Variants in LTBP3 observed in about 807,000 individuals in gnomAD.
The protein encoded by LTBP3 is latent-transforming growth factor beta-binding protein 3.
LTBP3 carries 97 observed loss-of-function variants against 159.7 expected under a neutral mutation model. The ratio of observed to expected loss-of-function variants is 0.61; its 90% CI spans 0.52 to 0.72. The LOEUF (loss-of-function observed/expected upper bound fraction) is 0.72, where lower values mean the gene tolerates loss of function less well. Among genes scored for constraint, LTBP3 ranks in the 30% least tolerant of loss-of-function variants. The pLI, the probability that LTBP3 is intolerant of heterozygous loss-of-function variation, is 0.00. For missense variants in LTBP3, 1,584 were observed against 1,864.3 expected, an observed-to-expected ratio of 0.85 and a Z score of 2.77; for synonymous variants, 824 against 777.1, an observed-to-expected ratio of 1.06 and a Z score of -1.00.
rs544767021 is a variant in LTBP3 at position 65,547,644 on chromosome 11, G to A, written c.1978+46C>T. ...GGAGGGATTACACGGCGGTCTGGAG[G>A]AGAGCCCGTCCCACCCAGGGCCGCC... On this transcript the variant is annotated intron_variant, in intron 13 of 27. Transcript: ENST00000301873. The surrounding 1 kb of genome is among the most constrained non-coding windows in gnomAD (Gnocchi z 4.6). 2 of 1,607,894 alleles carry A rather than the reference G, an allele frequency of 1.2e-6. No individual in the cohort carries two copies. The highest frequency in any genetic ancestry group is 1.1e-5 in the South Asian group (1 of 90,956).
chr11:65,552,192 T>G lies in LTBP3; in HGVS notation c.1346-35A>C. On this transcript the variant is annotated intron_variant, in intron 7 of 27. Transcript: ENST00000301873. This position sits in a 1 kb window ranked among gnomAD's most constrained non-coding sequence, Gnocchi z 6.0. Reference sequence around the variant, plus strand: ...AGACAGCAGACACAAAAGTGAGCATTTCCTGGACAGGTGCATGGACCTATG... The same window carrying G: ...AGACAGCAGACACAAAAGTGAGCATGTCCTGGACAGGTGCATGGACCTATG... The G allele has an allele frequency of 4.3e-6, 7 of 1,614,146 alleles. No individual in the cohort carries two copies. Among genetic ancestry groups the G allele is most frequent in the Non-Finnish European group, 5.9e-6 (7 of 1,179,990 alleles).
At chr11:65,541,327 AG>A (rs1565090327) in intron 19 of LTBP3, 34 bp from the exon 20 acceptor site, 1 of 1,603,594 alleles carries the variant, frequency 6.2e-7, no homozygotes, top group South Asian at 1.1e-5. Context: ...GGTTGTGCAC[AG>A]ACCCCCCTTG....
chr11:65,541,353 G>GC, intron 19 of LTBP3, 60 bp from the exon 20 acceptor site: 4 of 1,576,586 alleles, frequency 2.5e-6, no homozygotes, highest in Non-Finnish European at 3.5e-6. Context: ...TGTCCACCCT[G>GC]CCCACCCACC....
intron 18 of LTBP3, chr11:65,541,929 C>A: frequency 1.7e-6 from 1 of 599,332 alleles, no homozygotes; most frequent in Admixed American, 2.7e-5. Flanking sequence ...TTCAGTGGCT[C>A]CCACTAACCT....
At chr11:65,548,376 A>C in intron 11 of LTBP3, 1 of 571,498 alleles carries the variant, frequency 1.7e-6, no homozygotes, top group Non-Finnish European at 3.1e-6. Flanking sequence ...CAGTACTCCC[A>C]CCCAAGGGAC....
Position 65,539,625 on chromosome 11 carries a change from G to A in LTBP3, c.3551C>T (p.Ser1184Phe). The A allele has an allele frequency of 1.2e-6, 2 of 1,610,128 alleles. No individual in the cohort carries two copies. Among genetic ancestry groups the A allele is most frequent in the Non-Finnish European group, 8.5e-7 (1 of 1,178,768 alleles). The change falls in exon 26 of 28, where the codon TCC (serine) becomes TTC (phenylalanine). Residue 1184 changes from serine (S) to phenylalanine (F), a missense_variant. Coordinates refer to ENST00000301873, the MANE Select transcript of LTBP3 (RefSeq NM_001130144.3). Reference sequence around the variant, plus strand: ...CTCGCTCTGCGATGTCGGGCAATGGGACCCTGGGAGGAGCAGAACTGGTCA... The same window carrying A: ...CTCGCTCTGCGATGTCGGGCAATGGAACCCTGGGAGGAGCAGAACTGGTCA... ...CRPCPPRGAG[S>F]HCPTSQSESN...
Position 65,546,996 on chromosome 11 carries a change from G to T in LTBP3, c.2108-76C>A. 6.3e-7 allele frequency: 1 copy of T among 1,592,920 alleles called. No homozygotes were observed. On this transcript the variant is annotated intron_variant, in intron 14 of 27. Transcript: ENST00000301873. The surrounding 1 kb of genome is among the most constrained non-coding windows in gnomAD (Gnocchi z 4.0). ...CCCGGCTCCCAGCGTCCACAGCAGG[G>T]ACTTCCTCCCACACAGATCAACGAG...
rs1226460269 is a variant in LTBP3, at chr11:65,553,574, C to T, written c.865-44G>A. ...GGTGGGGTCACAGAGCACCCCGCCCCGGTGCCGCCTGTTAGGGTTGGGCCT... is the reference window on the plus strand; with the variant it reads ...GGTGGGGTCACAGAGCACCCCGCCCTGGTGCCGCCTGTTAGGGTTGGGCCT... On this transcript the variant is annotated intron_variant, in intron 3 of 27. Transcript: ENST00000301873. The surrounding 1 kb of genome is among the most constrained non-coding windows in gnomAD (Gnocchi z 6.5). The T allele has an allele frequency of 2.7e-6, 4 of 1,500,152 alleles. 1 individual carries two copies. The highest frequency in any genetic ancestry group is 2.3e-5 in the South Asian group (2 of 87,342). The allele number at this position is 1,500,152 out of a possible 1,614,324, so 92.9% of individuals were successfully genotyped here. A position where few individuals can be genotyped will look rare whatever the true frequency, so the allele number is the denominator to read the frequency against.
Position 65,546,717 on chromosome 11 carries a change from ACCCCG to A in LTBP3, c.2230+76_2230+80del. On this transcript the variant is annotated intron_variant, in intron 15 of 27. Transcript: ENST00000301873. The surrounding 1 kb of genome is among the most constrained non-coding windows in gnomAD (Gnocchi z 4.0). The stretch of plus-strand genomic sequence containing the variant: ...CCCCCAGACGCCAATCACCACCGCT[ACCCCG>A]CCCCGCCCCCAGCGGAGCCAGACTG... 3.3e-6 allele frequency: 5 copies of A among 1,519,126 alleles called. No homozygotes were observed. Among genetic ancestry groups the A allele is most frequent in the Non-Finnish European group, 4.4e-6 (5 of 1,131,038 alleles). 94.1% of individuals were successfully genotyped at this position (1,519,126 alleles called of 1,614,324 possible). A position where few individuals can be genotyped will look rare whatever the true frequency, so the allele number is the denominator to read the frequency against.
chr11:65,546,289 C>T lies in LTBP3; in HGVS notation c.2353+153G>A, dbSNP rs1590770106. 9.7e-7 allele frequency: 1 copy of T among 1,034,398 alleles called. No homozygotes were observed. Among genetic ancestry groups the T allele is most frequent in the Non-Finnish European group, 1.3e-6 (1 of 744,720 alleles). The allele number at this position is 1,034,398 out of a possible 1,614,324, so 64.1% of individuals were successfully genotyped here. A position where few individuals can be genotyped will look rare whatever the true frequency, so the allele number is the denominator to read the frequency against. ...TACGTGGAAATTCTAGTGGTGCCTTCCTTGGCAAAGTTCGTTGAGAAAATG... is the reference window on the plus strand; with the variant it reads ...TACGTGGAAATTCTAGTGGTGCCTTTCTTGGCAAAGTTCGTTGAGAAAATG... On this transcript the variant is annotated intron_variant, in intron 16 of 27. Coordinates refer to ENST00000301873, the MANE Select transcript of LTBP3 (RefSeq NM_001130144.3). The surrounding 1 kb of genome is among the most constrained non-coding windows in gnomAD (Gnocchi z 4.0).
In LTBP3 at chr11:65,553,469, G is replaced by A. The variant is rs2135157407; in HGVS notation, c.926C>T (p.Thr309Ile). ...KQEDCCGSIG[T>I]AWGQSKCHKC... is the part of the protein sequence containing the mutation. ...GTGGCACTTGCTCTGGCCCCAGGCA[G>A]TGCCGATGCTACCGCAGCAGTCTTC... The change falls in exon 4 of 28, where the codon ACT (threonine) becomes ATT (isoleucine). Residue 309 changes from threonine (T) to isoleucine (I), a missense_variant. This residue lies in a region of LTBP3 where 156 missense variants were observed against 259.7 expected (regional missense o/e 0.60). Transcript: ENST00000301873. This position sits in a 1 kb window ranked among gnomAD's most constrained non-coding sequence, Gnocchi z 6.5. The A allele has an allele frequency of 6.2e-7, 1 of 1,612,650 alleles. No homozygotes were observed.
chr11:65,540,648 C>G, intron 21 of LTBP3, 34 bp from the exon 22 acceptor site: 1 of 1,552,666 alleles, frequency 6.4e-7, no homozygotes. Context: ...GCTCCGGTCC[C>G]GCAGCTGCAG....
In LTBP3 at chr11:65,552,432, G is replaced by A; in HGVS notation, c.1187-26C>T. The stretch of plus-strand genomic sequence containing the variant: ...CTGCAGGGGCCAGTGGGGGGCATGG[G>A]CATCTGAGCCTGCACATTGCCCACG... On this transcript the variant is annotated intron_variant, in intron 6 of 27. Transcript: ENST00000301873. This position sits in a 1 kb window ranked among gnomAD's most constrained non-coding sequence, Gnocchi z 6.0. 1 of 1,609,946 alleles carries A rather than the reference G, an allele frequency of 6.2e-7. No homozygotes were observed. The highest frequency in any genetic ancestry group is 1.1e-5 in the South Asian group (1 of 91,044).
chr11:65,543,825 C>G, intron 16 of LTBP3: 1 of 498,326 alleles, frequency 2.0e-6, no homozygotes. Flanking sequence ...TCCCACCCTT[C>G]CCTCACCTGC....
At position 65,539,719 on chromosome 11, in the gene LTBP3, C is replaced by T; in HGVS notation, c.3547+1G>A. The T allele has an allele frequency of 6.4e-7, 1 of 1,553,638 alleles. No individual in the cohort carries two copies. On this transcript the variant is annotated splice_donor_variant, in intron 25 of 27. Transcript: ENST00000301873. LOFTEE classifies it high-confidence loss of function. ...GGCCAACTCCTCCCCGACTGCCTTA[C>T]CCGCGCCGCGCGGCGGGCACGGTCG...
At position 65,554,135 on chromosome 11, in the gene LTBP3, C is replaced by G. The variant is rs1462932501; in HGVS notation, c.577G>C (p.Asp193His). The G allele has an allele frequency of 6.2e-7, 1 of 1,611,664 alleles. No individual in the cohort carries two copies. The highest frequency in any genetic ancestry group is 1.7e-5 in the Admixed American group (1 of 59,974). The part of the protein sequence containing the change: ...HAIYAVQVIA[D>H]PPGPGEGPPA... ...GGCCCCTCCCCGGGCCCAGGAGGGT[C>G]AGCGATCACCTGGACGGCGTAGATG... Residue 193 changes from aspartate to histidine, a missense_variant, in exon 2 of 28, where the codon GAC becomes CAC. This residue lies in a region of LTBP3 where 194 missense variants were observed against 198.7 expected (regional missense o/e 0.98). Transcript: ENST00000301873. This position sits in a 1 kb window ranked among gnomAD's most constrained non-coding sequence, Gnocchi z 5.3.
In LTBP3 at chr11:65,557,725, G is replaced by T; in HGVS notation, c.235C>A (p.Gln79Lys). Residue 79 changes from glutamine to lysine, a missense_variant, in exon 1 of 28, where the codon CAG becomes AAG. Coordinates refer to ENST00000301873, the MANE Select transcript of LTBP3 (RefSeq NM_001130144.3). ...VICKRTCLKG[Q>K]CRDSCQQGSN... ...CCCTGCTGACAACTGTCCCGACACTGGCCCTTGAGACAGGTCCGCTTGCAG... is the reference window on the plus strand; with the variant it reads ...CCCTGCTGACAACTGTCCCGACACTTGCCCTTGAGACAGGTCCGCTTGCAG... 1 of 1,608,786 alleles carries T rather than the reference G, an allele frequency of 6.2e-7. No homozygotes were observed. Among genetic ancestry groups the T allele is most frequent in the South Asian group, 1.1e-5 (1 of 91,086 alleles).
chr11:65,546,320 G>T lies in LTBP3; in HGVS notation c.2353+122C>A. On this transcript the variant is annotated intron_variant, in intron 16 of 27. Transcript: ENST00000301873. This position sits in a 1 kb window ranked among gnomAD's most constrained non-coding sequence, Gnocchi z 4.0. ...CAAAGTTCGTTGAGAAAATGAGTGAGCAGAGTCACCTGGGGATGAATGAGC... is the reference window on the plus strand; with the variant it reads ...CAAAGTTCGTTGAGAAAATGAGTGATCAGAGTCACCTGGGGATGAATGAGC... The T allele has an allele frequency of 1.6e-6, 2 of 1,234,436 alleles. No individual in the cohort carries two copies. The highest frequency in any genetic ancestry group is 2.2e-6 in the Non-Finnish European group (2 of 925,422). The allele number at this position is 1,234,436 out of a possible 1,614,324, so 76.5% of individuals were successfully genotyped here.
chr11:65,554,477 G>T lies in LTBP3; in HGVS notation c.332-97C>A. ...CCCACTGGCTCTGTCCTCTTGGGAA[G>T]CCAGGTTTTGAGATACATCCTACAT... is the stretch of plus-strand genomic sequence containing the variant. On this transcript the variant is annotated intron_variant, in intron 1 of 27. Coordinates refer to ENST00000301873, the MANE Select transcript of LTBP3 (RefSeq NM_001130144.3). This position sits in a 1 kb window ranked among gnomAD's most constrained non-coding sequence, Gnocchi z 5.3. The T allele has an allele frequency of 9.9e-7, 1 of 1,010,806 alleles. No homozygotes were observed. Among genetic ancestry groups the T allele is most frequent in the Non-Finnish European group, 1.4e-6 (1 of 690,652 alleles). The allele number at this position is 1,010,806 out of a possible 1,614,324, so 62.6% of individuals were successfully genotyped here.
Sources: allele counts gnomAD v4.1 joint callset, GRCh38; gene constraint gnomAD v4.1.1; regional missense constraint gnomAD v4.1.1; non-coding constraint Gnocchi (gnomAD v3.1); transcripts MANE v1.5; gene names NCBI Gene and HGNC (gene_info 2026-07-23, HGNC 2026-07-21).